C8orf34: variants seen among roughly 807,000 people sequenced by gnomAD.
The protein encoded by C8orf34 is chromosome 8 open reading frame 34.
Under a neutral mutation model 68.3 loss-of-function variants are expected in C8orf34, and 65 were observed. The observed-to-expected ratio is 0.95, with a 90% CI of 0.78 to 1.17. The LOEUF (loss-of-function observed/expected upper bound fraction) is 1.17. Ranked by LOEUF, C8orf34 falls within the 50% of genes most tolerant of loss-of-function variation. The pLI is 0.00. For synonymous variants in C8orf34, 244 were observed against 241.2 expected, an observed-to-expected ratio of 1.01 and a Z score of -0.11; for missense variants, 664 against 655.4, an observed-to-expected ratio of 1.01 and a Z score of -0.14.
chr8:68,616,808 G>T (rs1289972085), intron 7 of C8orf34, among the ~76,000 whole-genome samples: 1 of 152,074 alleles, frequency 6.6e-6, no homozygotes, highest in Non-Finnish European at 1.5e-5. Context: ...TATTAGGTCC[G>T]CTTGGTGCAG....
intron 7 of C8orf34, among the ~76,000 whole-genome samples, chr8:68,603,914 T>C: frequency 6.6e-6 from 1 of 152,090 alleles, no homozygotes. Flanking sequence ...TGGTCTAAAA[T>C]TTACAGAAAA....
intron 1 of C8orf34, among the ~76,000 whole-genome samples, chr8:68,347,217 G>A (rs1806321290): frequency 6.6e-6 from 1 of 151,932 alleles, no homozygotes. Context: ...TGTGGTATTT[G>A]GTTTTCTGTT....
chr8:68,487,943 A>G, intron 4 of C8orf34, 80 bp from the exon 5 acceptor site: 3 of 925,198 alleles, frequency 3.2e-6, no homozygotes, highest in Non-Finnish European at 5.1e-6. Flanking sequence ...TACTTTTACA[A>G]ATAGAAAGTT....
In C8orf34 at chr8:68,741,812, T is replaced by C. The variant is rs1007661532; in HGVS notation, c.1404+20375T>C. ...TGTAAATGACTGGATCTCATTCTTT[T>C]GTATAGATGAATAGTACTCCATTGT... On this transcript the variant is annotated intron_variant, in intron 10 of 13. Coordinates refer to ENST00000518698, the MANE Select transcript of C8orf34 (RefSeq NM_052958.4). Among the ~76,000 whole-genome samples the C allele has an allele frequency of 2.6e-5, 4 of 152,358 alleles. No homozygotes were observed. The East Asian group carries it at 7.7e-4, about 29-fold the overall frequency.
chr8:68,368,203 C>T (rs1807398474), intron 1 of C8orf34, among the ~76,000 whole-genome samples: 1 of 152,076 alleles, frequency 6.6e-6, no homozygotes, highest in African/African-American at 2.4e-5. Flanking sequence ...AATTATGATG[C>T]AGGAAAGTTT....
intron 7 of C8orf34, among the ~76,000 whole-genome samples, chr8:68,592,898 T>C (rs754463641): frequency 6.6e-5 from 10 of 152,132 alleles, no homozygotes; most frequent in Non-Finnish European, 1.2e-4. Flanking sequence ...TTTTTAATCC[T>C]TCCATCTTTT....
chr8:68,593,693 C>CTATTTATTTAGCTATCTATT (rs1176489423), intron 7 of C8orf34, among the ~76,000 whole-genome samples: 4 of 151,822 alleles, frequency 2.6e-5, no homozygotes, highest in Non-Finnish European at 4.4e-5. Context: ...TCTGTCTTGC[C>CTATTTATTTAGCTATCTATT]AAAGATTTAG....
At chr8:68,483,937 C>A (rs1812967818) in intron 4 of C8orf34, among the ~76,000 whole-genome samples, 1 of 152,210 alleles carries the variant, frequency 6.6e-6, no homozygotes, top group Non-Finnish European at 1.5e-5. Flanking sequence ...TATTGCTACC[C>A]TAAGCAATGG....
chr8:68,535,229 T>C (rs1365460308), intron 7 of C8orf34: 15 of 977,768 alleles, frequency 1.5e-5, no homozygotes, highest in Non-Finnish European at 1.7e-5. Flanking sequence ...AAATCTAATT[T>C]TATAGAGTTT....
At chr8:68,503,844 G>GTAT (rs1813888482) in intron 5 of C8orf34, among the ~76,000 whole-genome samples, 1 of 152,088 alleles carries the variant, frequency 6.6e-6, no homozygotes, top group South Asian at 2.1e-4. Context: ...TATAGTGTTA[G>GTAT]ACCCAGTTAG....
intron 1 of C8orf34, among the ~76,000 whole-genome samples, chr8:68,436,166 C>T (rs1332079262): frequency 6.6e-6 from 1 of 152,036 alleles, no homozygotes; most frequent in Non-Finnish European, 1.5e-5. Context: ...TGAGACTGTG[C>T]CACTGCACTC....
intron 4 of C8orf34, among the ~76,000 whole-genome samples, chr8:68,473,762 T>C (rs1012553695): frequency 6.6e-6 from 1 of 152,180 alleles, no homozygotes; most frequent in East Asian, 1.9e-4. Context: ...AAACTAATTA[T>C]AAAATCGCAC....
intron 7 of C8orf34, among the ~76,000 whole-genome samples, chr8:68,554,098 A>G (rs1816174273): frequency 6.6e-6 from 1 of 152,166 alleles, no homozygotes; most frequent in Non-Finnish European, 1.5e-5. Flanking sequence ...AAATATCTAC[A>G]GGTTTATCAT....
chr8:68,347,138 A>G (rs1435445409), intron 1 of C8orf34, among the ~76,000 whole-genome samples: 1 of 151,428 alleles, frequency 6.6e-6, no homozygotes, highest in Non-Finnish European at 1.5e-5. Context: ...AGTAGACCCC[A>G]GTGTTTGTTG....
intron 1 of C8orf34, among the ~76,000 whole-genome samples, chr8:68,367,927 AAAAAAAAAAAG>A (rs1563381861): frequency 6.8e-6 from 1 of 148,016 alleles, no homozygotes; most frequent in African/African-American, 2.5e-5. Context: ...AAAAAAAAAA[AAAAAAAAAAAG>A]AAAAAAGTAC....
At chr8:68,394,239 TC>T (rs1808596799) in intron 1 of C8orf34, among the ~76,000 whole-genome samples, 1 of 69,924 alleles carries the variant, frequency 1.4e-5, no homozygotes, top group African/African-American at 5.4e-5. Flanking sequence ...CCCTCCCCCC[TC>T]CCCCCACCCC....
chr8:68,377,411 GA>G (rs1370508513), intron 1 of C8orf34, among the ~76,000 whole-genome samples: 2 of 151,596 alleles, frequency 1.3e-5, no homozygotes, highest in Non-Finnish European at 2.9e-5. Context: ...TAAGGAGAAG[GA>G]GAAGGAGAAG....
intron 1 of C8orf34, among the ~76,000 whole-genome samples, chr8:68,410,294 T>C (rs1809391138): frequency 6.6e-6 from 1 of 152,060 alleles, no homozygotes; most frequent in Admixed American, 6.6e-5. Context: ...CTGTGGGCTC[T>C]GCATCAGCAG....
intron 8 of C8orf34, among the ~76,000 whole-genome samples, chr8:68,654,909 C>T (rs1440875614): frequency 6.6e-6 from 1 of 152,052 alleles, no homozygotes; most frequent in Non-Finnish European, 1.5e-5. Flanking sequence ...TATATATAAA[C>T]TAGAATAAAA....
Sources: gnomAD v4.1 joint callset for allele counts (sites outside exome capture counted in the v4.1 genomes callset) on GRCh38, gnomAD v4.1.1 for gene constraint, MANE v1.5 for transcripts, NCBI Gene and HGNC (gene_info 2026-07-23, HGNC 2026-07-21) for gene names.